WRAP53: variants seen among roughly 807,000 people sequenced by gnomAD.
WRAP53 encodes the protein telomerase Cajal body protein 1.
In WRAP53, 28 loss-of-function variants were observed where a neutral mutation model predicts 56.6. The ratio of observed to expected loss-of-function variants is 0.50; its 90% CI spans 0.37 to 0.68. WRAP53 has a LOEUF of 0.68. Ranked by LOEUF, WRAP53 falls within the 30% of genes least tolerant of loss-of-function variation. The probability of loss-of-function intolerance (pLI) is 0.00; values close to 1 mark genes in which losing one functional copy is unlikely to be tolerated. For synonymous variants in WRAP53, 283 were observed against 283.4 expected (o/e 1.00, Z 0.01); for missense variants, 671 against 715.5 (o/e 0.94, Z 0.71).
intron 4 of WRAP53, among the ~76,000 whole-genome samples, chr17:7,690,714 C>G (rs1290710322): frequency 6.6e-6 from 1 of 152,162 alleles, no homozygotes; most frequent in African/African-American, 2.4e-5. Context: ...GAGTTCGAGA[C>G]CAGCCTGGCC....
upstream of WRAP53, chr17:7,686,996 A>T: frequency 4.2e-6 from 1 of 239,166 alleles, no homozygotes; most frequent in Middle Eastern, 1.2e-3. Flanking sequence ...ATGAGTTCTC[A>T]ATGTTTCGAG....
chr17:7,700,836 A>C lies in WRAP53; in HGVS notation c.731+7A>C. ...CCCAGCCAGACACCTCCTAGTAAGT[A>C]ATGTTTGCCTCCCTGCTCGCCGCCC... On this transcript the variant is annotated splice_region_variant and intron_variant, in intron 5 of 10. Transcript: ENST00000396463. The C allele has an allele frequency of 1.2e-6, 2 of 1,604,828 alleles. No individual in the cohort carries two copies. The highest frequency in any genetic ancestry group is 1.3e-5 in the African/African-American group (1 of 74,812).
At position 7,700,829 on chromosome 17, in the gene WRAP53, A is replaced by G. The variant is rs1477015952; in HGVS notation, c.731A>G (p.Tyr244Cys). 6.2e-7 allele frequency: 1 copy of G among 1,610,030 alleles called. No individual in the cohort carries two copies. The highest frequency in any genetic ancestry group is 1.3e-5 in the African/African-American group (1 of 74,940). The change falls in exon 5 of 11, where the codon TAC (tyrosine) becomes TGC (cysteine). Residue 244 changes from tyrosine (Y) to cysteine (C), a missense_variant and splice_region_variant. Around this residue, in one of 3 missense-constraint regions of WRAP53, gnomAD observed 406 missense variants for 418.5 expected, o/e 0.97. Coordinates refer to ENST00000396463, the MANE Select transcript of WRAP53 (RefSeq NM_001143992.2). ...TCCTCAGCCCAGCCAGACACCTCCT[A>G]GTAAGTAATGTTTGCCTCCCTGCTC... is the stretch of plus-strand genomic sequence containing the variant. ...LMSSAQPDTS[Y>C]VASSSRENPI... is the part of the protein sequence containing the mutation.
In WRAP53 at chr17:7,702,825, G is replaced by T; in HGVS notation, c.1247G>T (p.Arg416Leu). The change falls in exon 9 of 11, where the codon CGC becomes CTC. Residue 416 changes from arginine (R) to leucine (L), a missense_variant. By Grantham distance (102) the Arg-to-Leu change is moderately radical. Coordinates refer to ENST00000396463, the MANE Select transcript of WRAP53 (RefSeq NM_001143992.2). The surrounding 1 kb of genome is among the most constrained non-coding windows in gnomAD (Gnocchi z 5.0). The stretch of plus-strand genomic sequence containing the variant: ...GGTCGAGAGGTGACCACCAATCAGC[G>T]CATCTACTTCGATCTGGACCCGTGA... ...SLGREVTTNQ[R>L]IYFDLDPTGQ... The T allele has an allele frequency of 6.2e-7, 1 of 1,613,904 alleles. No individual in the cohort carries two copies. Among genetic ancestry groups the T allele is most frequent in the South Asian group, 1.1e-5 (1 of 91,092 alleles).
chr17:7,688,085 C>G (rs181844081), upstream of WRAP53: 69 of 164,290 alleles, frequency 4.2e-4, no homozygotes, highest in Non-Finnish European at 8.1e-4. Flanking sequence ...TGCTGGGTAG[C>G]AAGTAAGAGC....
upstream of WRAP53, chr17:7,687,987 T>A (rs2151083347): frequency 5.5e-6 from 1 of 182,118 alleles, no homozygotes; most frequent in Non-Finnish European, 1.1e-5. Context: ...TGTTCATTGC[T>A]TTCAGTACAT....
intron 4 of WRAP53, among the ~76,000 whole-genome samples, chr17:7,699,498 A>ATATATATT (rs1567577518): frequency 8.2e-5 from 1 of 12,122 alleles, no homozygotes; most frequent in African/African-American, 3.6e-4. Flanking sequence ...ATATATATAT[A>ATATATATT]TATTTATATA....
At chr17:7,692,097 C>T (rs1188139486) in intron 4 of WRAP53, among the ~76,000 whole-genome samples, 3 of 151,068 alleles carry the variant, frequency 2.0e-5, no homozygotes, top group African/African-American at 7.3e-5. Context: ...ACCTTGGCCT[C>T]CCAAAGTGCT....
At position 7,688,821 on chromosome 17, in the gene WRAP53, T is replaced by C; in HGVS notation, c.173T>C (p.Val58Ala). 1 of 1,614,202 alleles carries C rather than the reference T, an allele frequency of 6.2e-7. No homozygotes were observed. Among genetic ancestry groups the C allele is most frequent in the East Asian group, 2.2e-5 (1 of 44,886 alleles). Residue 58 changes from valine to alanine, a missense_variant, in exon 2 of 11, where the codon GTG becomes GCG. Transcript: ENST00000396463. ...CCGCCCCGGTTGTCCCCAGATCCTG[T>C]GGCTGGCTCAGCTGTGTCCCAGGAG... The part of the protein sequence containing the change: ...GDPPRLSPDP[V>A]AGSAVSQELR...
At chr17:7,689,530 C>G in intron 3 of WRAP53, 60 bp from the exon 4 acceptor site, 1 of 1,538,940 alleles carries the variant, frequency 6.5e-7, no homozygotes, top group Non-Finnish European at 9.0e-7. Flanking sequence ...AGGCTCAGCC[C>G]TAGCCCTACA....
rs747278428 is a variant in WRAP53 at position 7,689,683 on chromosome 17, G to A, written c.624G>A (p.Gln208=). The A allele has an allele frequency of 5.6e-6, 9 of 1,613,908 alleles. No homozygotes were observed. The South Asian group carries it at 9.9e-5, about 18-fold the overall frequency. ...LPPELYHEGE[Q]VEYAEMVPVL... ...CAGAGCTGTACCATGAGGGGGAGCA[G>A]GTGGAATATGCAGAAATGGTAAGGA... The change falls in exon 4 of 11, where the codon CAG becomes CAA. Residue 208 remains glutamine (Q), a synonymous_variant. Coordinates refer to ENST00000396463, the MANE Select transcript of WRAP53 (RefSeq NM_001143992.2).
At position 7,702,024 on chromosome 17, in the gene WRAP53, G is replaced by T. The variant is rs2074282468; in HGVS notation, c.955+235G>T. The T allele has an allele frequency of 2.6e-6, 2 of 757,110 alleles. No individual in the cohort carries two copies. The highest frequency in any genetic ancestry group is 3.0e-5 in the South Asian group (2 of 67,496). 46.9% of individuals were successfully genotyped at this position (757,110 alleles called of 1,614,324 possible). On this transcript the variant is annotated intron_variant, in intron 7 of 10. Transcript: ENST00000396463. This position sits in a 1 kb window ranked among gnomAD's most constrained non-coding sequence, Gnocchi z 5.0. ...TCCTTCCTGAACTCATACCCTGTCA[G>T]CTGTGGAGCTTTTGGTCTCTGAAAT...
chr17:7,699,014 C>T (rs564085229), intron 4 of WRAP53, among the ~76,000 whole-genome samples: 10 of 151,782 alleles, frequency 6.6e-5, no homozygotes, highest in African/African-American at 2.4e-4. Flanking sequence ...GAGATGATTG[C>T]GCCACTGTGC....
Position 7,699,478 on chromosome 17 carries a change from A to ATATG in WRAP53, c.643-1260_643-1259insGTAT, listed in dbSNP as rs1567577392. On this transcript the variant is annotated intron_variant, in intron 4 of 10. Coordinates refer to ENST00000396463, the MANE Select transcript of WRAP53 (RefSeq NM_001143992.2). Reference sequence around the variant, plus strand: ...TATATTTATATATATATATATATTTATATATATATATATATATATATATTT... The same window carrying ATATG: ...TATATTTATATATATATATATATTTATATGTATATATATATATATATATATATTT... Among the ~76,000 whole-genome samples the ATATG allele has an allele frequency of 9.6e-4, 7 of 7,272 alleles. 1 individual carries two copies. The highest frequency in any genetic ancestry group is 1.3e-3 in the Non-Finnish European group (5 of 3,806). 4.8% of individuals were successfully genotyped at this position (7,272 alleles called of 152,430 possible).
At position 7,702,653 on chromosome 17, in the gene WRAP53, C is replaced by T. The variant is rs1229558422; in HGVS notation, c.1165-90C>T. On this transcript the variant is annotated intron_variant, in intron 8 of 10. Transcript: ENST00000396463. The surrounding 1 kb of genome is among the most constrained non-coding windows in gnomAD (Gnocchi z 5.0). ...GAATGGGTGGGGATGGGGAAAAAAT[C>T]CCAAGCTGAAGGAGTGCCTGGAGAC... The T allele has an allele frequency of 2.1e-5, 33 of 1,597,234 alleles. No homozygotes were observed. The highest frequency in any genetic ancestry group is 2.5e-5 in the Non-Finnish European group (29 of 1,174,362).
intron 4 of WRAP53, among the ~76,000 whole-genome samples, chr17:7,695,030 G>C (rs1312215756): frequency 2.0e-5 from 3 of 151,780 alleles, no homozygotes; most frequent in Non-Finnish European, 4.4e-5. Flanking sequence ...TCAGCTCACT[G>C]CAAGCTCCGC....
chr17:7,688,536 A>T lies in WRAP53; in HGVS notation c.-27A>T. 8.6e-7 allele frequency: 1 copy of T among 1,161,514 alleles called. No individual in the cohort carries two copies. The highest frequency in any genetic ancestry group is 1.2e-6 in the Non-Finnish European group (1 of 815,936). The allele number at this position is 1,161,514 out of a possible 1,614,324, so 72.0% of individuals were successfully genotyped here. Reference sequence around the variant, plus strand: ...CTCTCCTCCCGGGAGTCTTCTGCCTACTCCCAGAAGAGGAGGGAAGCACAG... The same window carrying T: ...CTCTCCTCCCGGGAGTCTTCTGCCTTCTCCCAGAAGAGGAGGGAAGCACAG... On this transcript the variant is annotated 5_prime_UTR_variant, in exon 1 of 11. Coordinates refer to ENST00000396463, the MANE Select transcript of WRAP53 (RefSeq NM_001143992.2).
chr17:7,695,962 G>T (rs1038540422), intron 4 of WRAP53, among the ~76,000 whole-genome samples: 6 of 152,158 alleles, frequency 3.9e-5, no homozygotes, highest in African/African-American at 1.2e-4. Context: ...TGCACCACGT[G>T]TTGGGGAAGC....
chr17:7,694,797 T>C (rs1226497011), intron 4 of WRAP53, among the ~76,000 whole-genome samples: 1 of 151,458 alleles, frequency 6.6e-6, no homozygotes, highest in African/African-American at 2.4e-5. Flanking sequence ...CATTGTACTC[T>C]AGCCTGGGCG....
Sources: allele counts gnomAD v4.1 joint callset (sites outside exome capture counted in the v4.1 genomes callset), GRCh38; gene constraint gnomAD v4.1.1; regional missense constraint gnomAD v4.1.1; non-coding constraint Gnocchi (gnomAD v3.1); transcripts MANE v1.5; gene names NCBI Gene and HGNC (gene_info 2026-07-23, HGNC 2026-07-21).